The following CDC5L variants were observed in gnomAD, a reference collection of about 807,000 sequenced individuals.
CDC5L encodes the protein cell division cycle 5-like protein.
A neutral mutation model predicts 104.1 loss-of-function variants in CDC5L; 18 were observed. The ratio of observed to expected loss-of-function variants is 0.17; its 90% CI spans 0.12 to 0.26. CDC5L has a LOEUF of 0.26. CDC5L is among the 10% of genes least tolerant of loss of function. The pLI, the probability that CDC5L is intolerant of heterozygous loss-of-function variation, is 1.00. For missense variants in CDC5L, 673 were observed against 956.9 expected (o/e 0.70, Z 3.91); for synonymous variants, 331 against 322.7 (o/e 1.03, Z -0.28).
Position 44,397,498 on chromosome 6 carries a change from A to G in CDC5L, c.539+1058A>G, listed in dbSNP as rs11571936. Among the ~76,000 whole-genome samples the G allele has an allele frequency of 4.7e-4, 71 of 152,324 alleles. No homozygotes were observed. In the East Asian group the frequency reaches 0.01, roughly 22 times the overall value. ...CATTTCAGAATATTTATAGAAAACC[A>G]TATTTAAAAAAAATTGAAGCTATGG... On this transcript the variant is annotated intron_variant, in intron 5 of 15. Transcript: ENST00000371477.
At chr6:44,408,319 C>A in intron 7 of CDC5L, 125 bp from the exon 8 acceptor site, 2 of 525,272 alleles carry the variant, frequency 3.8e-6, no homozygotes, top group Non-Finnish European at 3.3e-6. Context: ...CCAGGTAGGT[C>A]CCGAACTCCT....
intron 14 of CDC5L, among the ~76,000 whole-genome samples, chr6:44,441,178 T>C (rs946945187): frequency 1.1e-4 from 17 of 152,218 alleles, no homozygotes; most frequent in African/African-American, 3.9e-4. Context: ...GTAGCCACCA[T>C]TGTACTCTCT....
At chr6:44,408,423 A>G (rs372513973) in intron 7 of CDC5L, 21 bp from the exon 8 acceptor site, 20 of 1,587,992 alleles carry the variant, frequency 1.3e-5, no homozygotes, top group African/African-American at 1.2e-4. Context: ...GTTGCTTACT[A>G]TGATAATTGT....
In CDC5L at chr6:44,448,185, G is replaced by A. The variant is rs930126813; in HGVS notation, c.*1474G>A. 6.6e-6 allele frequency: 1 copy of A among 152,182 alleles called. No homozygotes were observed. Among genetic ancestry groups the A allele is most frequent in the African/African-American group, 2.4e-5 (1 of 41,446 alleles). The allele number at this position is 152,182 out of a possible 1,614,324, so 9.4% of individuals were successfully genotyped here. On this transcript the variant is annotated 3_prime_UTR_variant, in exon 16 of 16. Transcript: ENST00000371477. The stretch of plus-strand genomic sequence containing the variant: ...AAGGAAAGAACATCCTAGGTGGAGT[G>A]AATAGCAAACATAAAGCCTCTTTTG...
intron 14 of CDC5L, among the ~76,000 whole-genome samples, 165 bp downstream of exon 14, chr6:44,430,075 C>T (rs1792606289): frequency 6.6e-6 from 1 of 151,566 alleles, no homozygotes; most frequent in South Asian, 2.1e-4. Flanking sequence ...TGGCCTTGTT[C>T]ATTGTTTTTT....
At chr6:44,418,806 C>G (rs1225587605) in intron 8 of CDC5L, among the ~76,000 whole-genome samples, 1 of 147,784 alleles carries the variant, frequency 6.8e-6, no homozygotes. Flanking sequence ...TGAGAAGTGT[C>G]TGTTCATATC....
Position 44,447,391 on chromosome 6 carries a change from A to G in CDC5L, c.*680A>G, listed in dbSNP as rs1268398085. ...ATTATTTTCTTATAAGTATTTTTTG[A>G]CAAAGGCATTTTAAAAGTTAATTTC... On this transcript the variant is annotated 3_prime_UTR_variant, in exon 16 of 16. Transcript: ENST00000371477. 6.6e-6 allele frequency: 1 copy of G among 152,180 alleles called. No individual in the cohort carries two copies. The highest frequency in any genetic ancestry group is 1.5e-5 in the Non-Finnish European group (1 of 68,028). The allele number at this position is 152,180 out of a possible 1,614,324, so 9.4% of individuals were successfully genotyped here.
At chr6:44,445,566 A>C in intron 14 of CDC5L, 89 bp from the exon 15 acceptor site, 1 of 823,770 alleles carries the variant, frequency 1.2e-6, no homozygotes, top group Non-Finnish European at 1.9e-6. Context: ...TTTGAGACAC[A>C]TACATGAACG....
intron 8 of CDC5L, among the ~76,000 whole-genome samples, chr6:44,411,201 C>T (rs1436342288): frequency 6.6e-6 from 1 of 152,004 alleles, no homozygotes; most frequent in Non-Finnish European, 1.5e-5. Flanking sequence ...GGGTGGGGGG[C>T]AATCACAAGC....
At chr6:44,438,086 C>T (rs1312715848) in intron 14 of CDC5L, among the ~76,000 whole-genome samples, 4 of 152,118 alleles carry the variant, frequency 2.6e-5, no homozygotes, top group Non-Finnish European at 5.9e-5. Context: ...GTAGCTGGAA[C>T]CACAGGCATG....
At position 44,424,542 on chromosome 6, in the gene CDC5L, A is replaced by C. The variant is rs775979730; in HGVS notation, c.1528A>C (p.Thr510Pro). 40 of 1,613,882 alleles carry C rather than the reference A, an allele frequency of 2.5e-5. 1 individual carries two copies. The highest frequency in any genetic ancestry group is 3.4e-5 in the Non-Finnish European group (40 of 1,179,940). The change falls in exon 11 of 16, where the codon ACT becomes CCT. Residue 510 changes from threonine (T) to proline (P), a missense_variant. This residue lies in a region of CDC5L where 578 missense variants were observed against 737.0 expected (regional missense o/e 0.78). Coordinates refer to ENST00000371477, the MANE Select transcript of CDC5L (RefSeq NM_001253.4). ...KELEEREIDD[T>P]YIEDAADVDA... ...GCTGGAAGAACGTGAAATAGATGAT[A>C]CTTACATTGAAGATGCTGCTGATGT...
chr6:44,393,164 GT>G (rs773786751), intron 3 of CDC5L, among the ~76,000 whole-genome samples: 1,804 of 107,246 alleles, frequency 0.017, 14 homozygotes, highest in Middle Eastern at 0.059. Context: ...TTTACTAATA[GT>G]TTTTTTTTTT....
chr6:44,425,579 G>A (rs1792382677), intron 11 of CDC5L, among the ~76,000 whole-genome samples: 1 of 152,082 alleles, frequency 6.6e-6, no homozygotes, highest in East Asian at 1.9e-4. Flanking sequence ...TTTTAGAGGG[G>A]ACCCATGTAA....
At chr6:44,403,742 C>T in intron 5 of CDC5L, 67 bp from the exon 6 acceptor site, 2 of 1,053,786 alleles carry the variant, frequency 1.9e-6, no homozygotes, top group Non-Finnish European at 2.8e-6. Flanking sequence ...TTTTTTTTAA[C>T]TGTATGGGAT....
At chr6:44,399,149 C>T (rs908069314) in intron 5 of CDC5L, among the ~76,000 whole-genome samples, 8 of 152,146 alleles carry the variant, frequency 5.3e-5, no homozygotes, top group African/African-American at 1.7e-4. Context: ...GACGGAGTCT[C>T]GCTATGTTGC....
At chr6:44,433,037 A>G (rs187079349) in intron 14 of CDC5L, among the ~76,000 whole-genome samples, 76 of 152,332 alleles carry the variant, frequency 5.0e-4, no homozygotes, top group Non-Finnish European at 9.1e-4. Flanking sequence ...TTAATAAGAA[A>G]AACTTTATTT....
intron 5 of CDC5L, among the ~76,000 whole-genome samples, chr6:44,399,732 C>G (rs938874948): frequency 2.0e-4 from 30 of 152,168 alleles, no homozygotes; most frequent in African/African-American, 6.3e-4. Flanking sequence ...AGGCTCACTG[C>G]AAGCTCCACC....
intron 7 of CDC5L, among the ~76,000 whole-genome samples, chr6:44,407,076 A>G (rs1791404039): frequency 6.6e-6 from 1 of 152,216 alleles, no homozygotes; most frequent in Non-Finnish European, 1.5e-5. Flanking sequence ...ACATTTTGTC[A>G]ACAGGGTAGG....
At chr6:44,401,897 A>G (rs1791145753) in intron 5 of CDC5L, among the ~76,000 whole-genome samples, 1 of 142,310 alleles carries the variant, frequency 7.0e-6, no homozygotes, top group African/African-American at 2.6e-5. Flanking sequence ...GAGTGAGAAT[A>G]TGCGGTGTTT....
Sources: gnomAD v4.1 joint callset for allele counts (sites outside exome capture counted in the v4.1 genomes callset) on GRCh38, gnomAD v4.1.1 for gene constraint, gnomAD v4.1.1 regional missense constraint, MANE v1.5 for transcripts, NCBI Gene and HGNC (gene_info 2026-07-23, HGNC 2026-07-21) for gene names.